Variants in MAF observed in about 807,000 individuals in gnomAD.
The protein encoded by MAF is transcription factor Maf.
A neutral mutation model predicts 22.0 loss-of-function variants in MAF; 10 were observed. That is an observed-to-expected ratio of 0.45 (90% CI 0.28 to 0.77). The LOEUF is 0.77. Among genes scored for constraint, MAF ranks in the 30% least tolerant of loss-of-function variants. MAF has a pLI of 0.12. For synonymous variants in MAF, 337 were observed against 255.8 expected (o/e 1.32, Z -3.03); for missense variants, 544 against 548.4 (o/e 0.99, Z 0.08).
the MAF span, among the ~76,000 whole-genome samples, chr16:79,303,515 G>C: frequency 6.6e-6 from 1 of 152,126 alleles, no homozygotes; most frequent in Admixed American, 6.5e-5. Context: ...GACCTTAGGC[G>C]TTGTCTCACA....
the MAF span, among the ~76,000 whole-genome samples, chr16:79,432,125 G>A: frequency 6.6e-6 from 1 of 152,158 alleles, no homozygotes; most frequent in Non-Finnish European, 1.5e-5. Context: ...CACAGGGATG[G>A]TTTCCCCCAT....
chr16:79,237,723 C>T, the MAF span, among the ~76,000 whole-genome samples: 1 of 152,162 alleles, frequency 6.6e-6, no homozygotes, highest in Non-Finnish European at 1.5e-5. Flanking sequence ...TTGCTGTAGG[C>T]AGCTGTCCTG....
the MAF span, among the ~76,000 whole-genome samples, chr16:79,329,111 A>C: frequency 6.7e-6 from 1 of 149,710 alleles, no homozygotes; most frequent in Admixed American, 6.6e-5. Flanking sequence ...TTCACTTCCC[A>C]CATTCTGGTT....
chr16:79,239,610 G>T, the MAF span, among the ~76,000 whole-genome samples: 453 of 152,110 alleles, frequency 3.0e-3, 11 homozygotes, highest in Admixed American at 0.023. Context: ...TACCTAGTCC[G>T]AACCCCTAGA....
At chr16:79,212,221 G>A in the MAF span, 1 of 1,403,564 alleles carries the variant, frequency 7.1e-7, no homozygotes, top group Middle Eastern at 2.4e-4. Flanking sequence ...AAAAGCAAGT[G>A]TTCACTGCTC....
the MAF span, among the ~76,000 whole-genome samples, chr16:79,532,724 G>C: frequency 1.3e-3 from 193 of 152,314 alleles, 5 homozygotes; most frequent in South Asian, 0.039. Flanking sequence ...GCATGCGTGA[G>C]TGCAGATACA....
chr16:79,572,926 G>A, the MAF span, among the ~76,000 whole-genome samples: 8 of 152,216 alleles, frequency 5.3e-5, no homozygotes, highest in African/African-American at 1.9e-4. Flanking sequence ...AGCTGCTTAA[G>A]AGGTTACCCA....
chr16:79,550,901 G>A, the MAF span, among the ~76,000 whole-genome samples: 148 of 152,110 alleles, frequency 9.7e-4, no homozygotes, highest in Non-Finnish European at 1.9e-3. Context: ...TCCAGACTGA[G>A]CTCTCCCCCA....
chr16:79,353,553 G>A, the MAF span, among the ~76,000 whole-genome samples: 334 of 152,226 alleles, frequency 2.2e-3, 1 homozygote, highest in African/African-American at 7.2e-3. Flanking sequence ...ACTGAGAGTC[G>A]CCGGTAGGGA....
At chr16:79,557,204 A>G in the MAF span, among the ~76,000 whole-genome samples, 1 of 151,796 alleles carries the variant, frequency 6.6e-6, no homozygotes, top group African/African-American at 2.4e-5. Context: ...TGCCAGCTAC[A>G]TCTACACTTG....
At chr16:79,249,564 C>A in the MAF span, among the ~76,000 whole-genome samples, 7 of 152,228 alleles carry the variant, frequency 4.6e-5, no homozygotes, top group African/African-American at 1.7e-4. Context: ...GGCATCCCAG[C>A]CTCCAGAACT....
chr16:79,600,206 G>T lies in MAF; in HGVS notation c.-304C>A. 1 of 326,624 alleles carries T rather than the reference G, an allele frequency of 3.1e-6. No homozygotes were observed. The highest frequency in any genetic ancestry group is 5.6e-6 in the Non-Finnish European group (1 of 177,576). 20.2% of individuals were successfully genotyped at this position (326,624 alleles called of 1,614,324 possible). A position where few individuals can be genotyped will look rare whatever the true frequency, so the allele number is the denominator to read the frequency against. ...CGCCGAGCCGGCGGCTTCAGGCTCGGGAAGATCCTCCGCGAGCTGCGGTGG... is the reference window on the plus strand; with the variant it reads ...CGCCGAGCCGGCGGCTTCAGGCTCGTGAAGATCCTCCGCGAGCTGCGGTGG... On this transcript the variant is annotated 5_prime_UTR_variant, in exon 1 of 2. Transcript: ENST00000326043.
the MAF span, among the ~76,000 whole-genome samples, chr16:79,244,851 A>T: frequency 1.3e-5 from 2 of 152,034 alleles, no homozygotes; most frequent in African/African-American, 4.8e-5. Flanking sequence ...ACAGCCTGGT[A>T]CTGGTACCAA....
the MAF span, among the ~76,000 whole-genome samples, chr16:79,514,936 C>T: frequency 4.0e-3 from 609 of 152,344 alleles, 1 homozygote; most frequent in Middle Eastern, 0.01. Context: ...CTAGGACTCT[C>T]TCTGGGCTCT....
At chr16:79,364,343 G>A in the MAF span, among the ~76,000 whole-genome samples, 1 of 152,140 alleles carries the variant, frequency 6.6e-6, no homozygotes, top group Non-Finnish European at 1.5e-5. Flanking sequence ...GCTCCTAGAT[G>A]GAAAAAGGAC....
At chr16:79,493,221 T>C in the MAF span, among the ~76,000 whole-genome samples, 1 of 151,944 alleles carries the variant, frequency 6.6e-6, no homozygotes. Flanking sequence ...CTCACTCTGT[T>C]GTCCAGGCTG....
the MAF span, among the ~76,000 whole-genome samples, chr16:79,556,025 G>C: frequency 1.3e-5 from 2 of 152,100 alleles, no homozygotes; most frequent in East Asian, 1.9e-4. Context: ...GTTTAGTTTA[G>C]TTTAGTTTGT....
the MAF span, among the ~76,000 whole-genome samples, chr16:79,488,068 A>G: frequency 6.6e-6 from 1 of 152,170 alleles, no homozygotes; most frequent in Non-Finnish European, 1.5e-5. Context: ...AAGTCTCAAG[A>G]CTTAAAAAAT....
chr16:79,484,826 T>C, the MAF span, among the ~76,000 whole-genome samples: 1 of 152,196 alleles, frequency 6.6e-6, no homozygotes, highest in Non-Finnish European at 1.5e-5. Context: ...TGTGTGTGAA[T>C]GCATTTTCAC....
Sources: allele counts gnomAD v4.1 joint callset (sites outside exome capture counted in the v4.1 genomes callset), GRCh38; gene constraint gnomAD v4.1.1; transcripts MANE v1.5; gene names NCBI Gene and HGNC (gene_info 2026-07-23, HGNC 2026-07-21).